The following GALNT15 variants were observed in gnomAD, a reference collection of about 807,000 sequenced individuals.
GALNT15 encodes UDP-GalNAc transferase T15.
In GALNT15, 67 loss-of-function variants were observed where a neutral mutation model predicts 66.8. The ratio of observed to expected loss-of-function variants is 1.00; its 90% CI spans 0.82 to 1.23. GALNT15 has a LOEUF of 1.23. Among genes scored for constraint, GALNT15 ranks in the 50% most tolerant of loss-of-function variants. GALNT15 has a pLI of 0.00. For synonymous variants in GALNT15, 313 were observed against 311.5 expected, an observed-to-expected ratio of 1.00 and a Z score of -0.05; for missense variants, 827 against 804.3, an observed-to-expected ratio of 1.03 and a Z score of -0.34.
At chr3:16,201,340 C>CGG (rs2063700766) in intron 3 of GALNT15, among the ~76,000 whole-genome samples, 1 of 152,084 alleles carries the variant, frequency 6.6e-6, no homozygotes, top group East Asian at 1.9e-4. Flanking sequence ...CGCCACCACA[C>CGG]CCGGCTAATT....
intron 8 of GALNT15, among the ~76,000 whole-genome samples, chr3:16,221,094 G>T (rs934789613): frequency 1.3e-5 from 2 of 152,040 alleles, no homozygotes; most frequent in African/African-American, 4.8e-5. Context: ...TGTGATCTTG[G>T]CAGGCTTCTT....
Position 16,184,314 on chromosome 3 carries a change from T to C in GALNT15, c.539+8624T>C, listed in dbSNP as rs942714566. ...TTCCTGGATCCTCTGCATAAGTCCC[T>C]AGTCACTTGGGGCCTTGCTTTATGA... On this transcript the variant is annotated intron_variant, in intron 1 of 9. Transcript: ENST00000339732. This position sits in a 1 kb window ranked among gnomAD's most constrained non-coding sequence, Gnocchi z 5.0. Among the ~76,000 whole-genome samples, 1 of 152,262 alleles carries C rather than the reference T, an allele frequency of 6.6e-6. No individual in the cohort carries two copies. Among genetic ancestry groups the C allele is most frequent in the African/African-American group, 2.4e-5 (1 of 41,472 alleles).
rs892128314 is a variant in GALNT15, at chr3:16,195,268, A to C, written c.540-492A>C. ...CCAAAGACTAGAGCAGAGGTTCTCA[A>C]AGTGTGGTCCACAGAAAACAGCAGC... On this transcript the variant is annotated intron_variant, in intron 1 of 9. Coordinates refer to ENST00000339732, the MANE Select transcript of GALNT15 (RefSeq NM_054110.5). This position sits in a 1 kb window ranked among gnomAD's most constrained non-coding sequence, Gnocchi z 4.6. Among the ~76,000 whole-genome samples, 1 of 152,182 alleles carries C rather than the reference A, an allele frequency of 6.6e-6. No homozygotes were observed. Among genetic ancestry groups the C allele is most frequent in the Non-Finnish European group, 1.5e-5 (1 of 68,032 alleles).
chr3:16,212,447 T>C, intron 5 of GALNT15, 122 bp from the exon 6 acceptor site: 2 of 865,082 alleles, frequency 2.3e-6, no homozygotes, highest in Non-Finnish European at 3.5e-6. Context: ...CATAATCATC[T>C]TCACCATTGA....
chr3:16,188,143 C>A lies in GALNT15; in HGVS notation c.540-7617C>A, dbSNP rs112391259. 6.6e-6 allele frequency among the ~76,000 whole-genome samples: 1 copy of A among 152,212 alleles called. No individual in the cohort carries two copies. Among genetic ancestry groups the A allele is most frequent in the Non-Finnish European group, 1.5e-5 (1 of 68,050 alleles). On this transcript the variant is annotated intron_variant, in intron 1 of 9. Transcript: ENST00000339732. This position sits in a 1 kb window ranked among gnomAD's most constrained non-coding sequence, Gnocchi z 4.6. ...ACATCTAGCCTCACGCTCTTCCCCC[C>A]AGACCATTATCCTGGCTCCGGCTGT...
chr3:16,190,607 C>T (rs1339698744), intron 1 of GALNT15, among the ~76,000 whole-genome samples: 2 of 147,206 alleles, frequency 1.4e-5, no homozygotes, highest in Non-Finnish European at 3.0e-5. Context: ...CACTGCACTC[C>T]AGCCTGGGGG....
At chr3:16,244,061 C>G in the GALNT15 span, 1 of 951,778 alleles carries the variant, frequency 1.1e-6, no homozygotes, top group Middle Eastern at 5.4e-4. Context: ...CATGGTAACA[C>G]AGCTGCATGG....
intron 8 of GALNT15, 121 bp from the exon 9 acceptor site, chr3:16,222,494 C>T (rs2063953350): frequency 1.6e-6 from 2 of 1,214,652 alleles, no homozygotes; most frequent in East Asian, 4.7e-5. Flanking sequence ...TCTTTCTGAC[C>T]CCGATAGAAT....
Position 16,175,437 on chromosome 3 carries a change from C to A in GALNT15, c.286C>A (p.Leu96Met). ...PFISLREDQL[L>M]VAVALPQARR... ...TATCTCACTGCGGGAGGATCAGCTGCTGGTGGCCGTGGCCTTACCCCAGGC... is the reference window on the plus strand; with the variant it reads ...TATCTCACTGCGGGAGGATCAGCTGATGGTGGCCGTGGCCTTACCCCAGGC... The change falls in exon 1 of 10, where the codon CTG becomes ATG. Residue 96 changes from leucine to methionine, a missense_variant. Leu to Met is a conservative substitution (Grantham distance 15). Coordinates refer to ENST00000339732, the MANE Select transcript of GALNT15 (RefSeq NM_054110.5). The surrounding 1 kb of genome is among the most constrained non-coding windows in gnomAD (Gnocchi z 5.6). 6.2e-7 allele frequency: 1 copy of A among 1,614,178 alleles called. No individual in the cohort carries two copies. Among genetic ancestry groups the A allele is most frequent in the East Asian group, 2.2e-5 (1 of 44,874 alleles).
In GALNT15 at chr3:16,229,201, T is replaced by A; in HGVS notation, c.*1701T>A. 2.0e-6 allele frequency: 2 copies of A among 985,360 alleles called. No individual in the cohort carries two copies. Among genetic ancestry groups the A allele is most frequent in the Non-Finnish European group, 2.4e-6 (2 of 829,854 alleles). 61.0% of individuals were successfully genotyped at this position (985,360 alleles called of 1,614,324 possible). On this transcript the variant is annotated 3_prime_UTR_variant, in exon 10 of 10. Transcript: ENST00000339732. ...CCAAACAATACCTATCATAACTACG[T>A]ATTCATTGTCTACCTGCTAAGTCAA...
In GALNT15 at chr3:16,176,387, C is replaced by T. The variant is rs2063410220; in HGVS notation, c.539+697C>T. Among the ~76,000 whole-genome samples, 1 of 152,230 alleles carries T rather than the reference C, an allele frequency of 6.6e-6. No individual in the cohort carries two copies. The highest frequency in any genetic ancestry group is 2.1e-4 in the South Asian group (1 of 4,836). On this transcript the variant is annotated intron_variant, in intron 1 of 9. Transcript: ENST00000339732. The surrounding 1 kb of genome is among the most constrained non-coding windows in gnomAD (Gnocchi z 5.6). ...AGGTAACAAAGTCAGGATTTGAATG[C>T]AGGCATGTGAGCTCCAGTCTGCCTG...
In GALNT15 at chr3:16,228,047, G is replaced by C; in HGVS notation, c.*547G>C. On this transcript the variant is annotated 3_prime_UTR_variant, in exon 10 of 10. Coordinates refer to ENST00000339732, the MANE Select transcript of GALNT15 (RefSeq NM_054110.5). ...GAAGGAAAGGGAGCTACAGAAAGGA[G>C]GTTTAGGATTGCAGAGAAGATGCAA... The C allele has an allele frequency of 4.1e-6, 4 of 986,970 alleles. No homozygotes were observed. Among genetic ancestry groups the C allele is most frequent in the Non-Finnish European group, 4.8e-6 (4 of 830,852 alleles). The allele number at this position is 986,970 out of a possible 1,614,324, so 61.1% of individuals were successfully genotyped here. A position where few individuals can be genotyped will look rare whatever the true frequency, so the allele number is the denominator to read the frequency against.
chr3:16,202,647 A>G (rs982563561), intron 3 of GALNT15, among the ~76,000 whole-genome samples: 1 of 152,206 alleles, frequency 6.6e-6, no homozygotes, highest in Non-Finnish European at 1.5e-5. Context: ...AGAAAAGAAA[A>G]TGCACAAGCC....
In GALNT15 at chr3:16,200,618, G is replaced by C. The variant is rs773048639; in HGVS notation, c.707-1G>C. ...ACTGACCACAACCCTGTTGATTCCA[G>C]GACAACTCAAGTCTGCTCTCAGCGA... On this transcript the variant is annotated splice_acceptor_variant, in intron 2 of 9. Transcript: ENST00000339732. LOFTEE classifies it high-confidence loss of function. The surrounding 1 kb of genome is among the most constrained non-coding windows in gnomAD (Gnocchi z 4.4). 1.8e-5 allele frequency: 27 copies of C among 1,530,940 alleles called. No homozygotes were observed. Among genetic ancestry groups the C allele is most frequent in the Non-Finnish European group, 2.4e-5 (27 of 1,137,376 alleles). 94.8% of individuals were successfully genotyped at this position (1,530,940 alleles called of 1,614,324 possible). A position where few individuals can be genotyped will look rare whatever the true frequency, so the allele number is the denominator to read the frequency against.
At chr3:16,247,609 A>C in the GALNT15 span, among the ~76,000 whole-genome samples, 4 of 152,158 alleles carry the variant, frequency 2.6e-5, no homozygotes, top group African/African-American at 9.7e-5. Context: ...ACCCACACTC[A>C]CTCCAACCCC....
At chr3:16,243,930 C>T in the GALNT15 span, 1 of 883,260 alleles carries the variant, frequency 1.1e-6, no homozygotes, top group Non-Finnish European at 1.4e-6. Flanking sequence ...ATGTCGTGTT[C>T]TGTGAAGTTG....
rs2063820371 is a variant in GALNT15 at position 16,211,968 on chromosome 3, C to T, written c.1198-601C>T. The stretch of plus-strand genomic sequence containing the variant: ...TTTGGGAACTCCAGTTTTGGTGTTT[C>T]CATTCATATGCTGCTTATCCTAGGA... On this transcript the variant is annotated intron_variant, in intron 5 of 9. Coordinates refer to ENST00000339732, the MANE Select transcript of GALNT15 (RefSeq NM_054110.5). This position sits in a 1 kb window ranked among gnomAD's most constrained non-coding sequence, Gnocchi z 4.3. Among the ~76,000 whole-genome samples, 1 of 152,212 alleles carries T rather than the reference C, an allele frequency of 6.6e-6. No homozygotes were observed. The highest frequency in any genetic ancestry group is 1.5e-5 in the Non-Finnish European group (1 of 68,050).
chr3:16,221,537 G>A (rs938653458), intron 8 of GALNT15, among the ~76,000 whole-genome samples: 1 of 152,132 alleles, frequency 6.6e-6, no homozygotes, highest in Admixed American at 6.5e-5. Context: ...TACAGCTGTT[G>A]GCTGCATGCA....
chr3:16,243,814 G>T, the GALNT15 span, among the ~76,000 whole-genome samples: 3 of 152,200 alleles, frequency 2.0e-5, no homozygotes, highest in Non-Finnish European at 4.4e-5. Context: ...CCTCATATTT[G>T]CCAGGAGAAG....
Sources: allele counts gnomAD v4.1 joint callset (sites outside exome capture counted in the v4.1 genomes callset), GRCh38; gene constraint gnomAD v4.1.1; non-coding constraint Gnocchi (gnomAD v3.1); transcripts MANE v1.5; gene names NCBI Gene and HGNC (gene_info 2026-07-23, HGNC 2026-07-21).